Variants in EPS15L1 observed in about 807,000 individuals in gnomAD.
EPS15L1 encodes epidermal growth factor receptor pathway substrate 15 like 1.
EPS15L1 carries 43 observed loss-of-function variants against 117.1 expected under a neutral mutation model. The observed-to-expected ratio is 0.37, with a 90% CI of 0.29 to 0.47. The LOEUF (loss-of-function observed/expected upper bound fraction) is 0.47. Among genes scored for constraint, EPS15L1 ranks in the 20% least tolerant of loss-of-function variants. The pLI, the probability that EPS15L1 is intolerant of heterozygous loss-of-function variation, is 0.99. For missense variants in EPS15L1, 981 were observed against 1,164.0 expected (o/e 0.84, Z 2.29); for synonymous variants, 459 against 470.5 (o/e 0.98, Z 0.32).
intron 23 of EPS15L1, among the ~76,000 whole-genome samples, chr19:16,360,529 G>A (rs983284838): frequency 1.3e-5 from 2 of 151,364 alleles, no homozygotes; most frequent in Admixed American, 6.6e-5. Context: ...ATCGCTTGAG[G>A]CCAGGAGTTC....
At chr19:16,422,972 G>GC (rs1053760686) in intron 9 of EPS15L1, among the ~76,000 whole-genome samples, 1 of 105,452 alleles carries the variant, frequency 9.5e-6, no homozygotes, top group African/African-American at 3.6e-5. Flanking sequence ...AAAAAAAAAG[G>GC]GGGGGGGGAT....
Position 16,370,921 on chromosome 19 carries a change from C to T in EPS15L1, c.2380+6201G>A, listed in dbSNP as rs561744669. ...TTGGCCGTTTTAGGCTCCTTGGGAC[C>T]CCCTCCCCATCCTGGCTGGCAGGCA... On this transcript the variant is annotated intron_variant, in intron 22 of 23. Transcript: ENST00000455140. This position sits in a 1 kb window ranked among gnomAD's most constrained non-coding sequence, Gnocchi z 5.2. 5.3e-5 allele frequency among the ~76,000 whole-genome samples: 8 copies of T among 152,168 alleles called. No individual in the cohort carries two copies. The highest frequency in any genetic ancestry group is 7.4e-5 in the Non-Finnish European group (5 of 68,004).
chr19:16,423,098 A>C (rs936727545), intron 9 of EPS15L1, among the ~76,000 whole-genome samples: 2 of 152,162 alleles, frequency 1.3e-5, no homozygotes, highest in Non-Finnish European at 2.9e-5. Context: ...TTCATGAACG[A>C]GTCTCCTGTG....
At chr19:16,457,425 G>A (rs1464149862) in intron 1 of EPS15L1, among the ~76,000 whole-genome samples, 4 of 152,172 alleles carry the variant, frequency 2.6e-5, no homozygotes, top group African/African-American at 9.7e-5. Flanking sequence ...GGCTGAGCCT[G>A]TCCAGGGAGA....
At chr19:16,437,981 G>T in intron 4 of EPS15L1, 116 bp from the exon 5 acceptor site, 1 of 762,090 alleles carries the variant, frequency 1.3e-6, no homozygotes, top group Non-Finnish European at 2.2e-6. Flanking sequence ...AATGAAGGCC[G>T]TCCGTGCAAA....
chr19:16,368,179 C>T (rs951059952), intron 22 of EPS15L1, among the ~76,000 whole-genome samples: 3 of 152,174 alleles, frequency 2.0e-5, no homozygotes, highest in African/African-American at 4.8e-5. Flanking sequence ...CAACACAGAA[C>T]GATCACACAA....
Position 16,386,195 on chromosome 19 carries a change from A to C in EPS15L1, c.2140T>G (p.Ser714Ala). ...PFESSDPFSS[S>A]SVSSKGSDPF... ...CCTGATCCTTTTGAGGAGACACTGG[A>C]GGATGAAAAGGGATCACTGGATTCA... The change falls in exon 20 of 24, where the codon TCC (serine) becomes GCC (alanine). Residue 714 changes from serine to alanine, a missense_variant. Transcript: ENST00000455140. 3 of 1,612,752 alleles carry C rather than the reference A, an allele frequency of 1.9e-6. No individual in the cohort carries two copies. Among genetic ancestry groups the C allele is most frequent in the Non-Finnish European group, 2.5e-6 (3 of 1,178,910 alleles).
At chr19:16,432,525 G>A (rs191571691) in intron 7 of EPS15L1, among the ~76,000 whole-genome samples, 10 of 152,156 alleles carry the variant, frequency 6.6e-5, no homozygotes, top group East Asian at 3.9e-4. Flanking sequence ...CAGAGATTGC[G>A]CCACTGTACT....
At chr19:16,435,971 T>C (rs181957833) in intron 6 of EPS15L1, among the ~76,000 whole-genome samples, 7 of 152,326 alleles carry the variant, frequency 4.6e-5, no homozygotes, top group South Asian at 2.1e-4. Context: ...CTGTTTCCCA[T>C]GACAAAGTAG....
chr19:16,439,063 G>GT lies in EPS15L1; in HGVS notation c.214-1199dup, dbSNP rs1001246226. 6.8e-5 allele frequency among the ~76,000 whole-genome samples: 10 copies of GT among 146,402 alleles called. No homozygotes were observed. In the South Asian group the frequency reaches 1.8e-3, roughly 26 times the overall value. On this transcript the variant is annotated intron_variant, in intron 4 of 23. Transcript: ENST00000455140. ...GGACTTGTGAGGGATCACTTAGCTT[G>GT]TTTTTTTTCTGTTTTTTTTTTTTTT...
chr19:16,434,539 A>C, intron 6 of EPS15L1, 49 bp from the exon 7 acceptor site: 1 of 1,590,196 alleles, frequency 6.3e-7, no homozygotes, highest in East Asian at 2.2e-5. Flanking sequence ...CACCTGTGTG[A>C]ATGTCCAGAC....
intron 17 of EPS15L1, among the ~76,000 whole-genome samples, chr19:16,394,952 C>A (rs899390241): frequency 8.6e-5 from 13 of 151,970 alleles, no homozygotes; most frequent in Admixed American, 8.5e-4. Flanking sequence ...GGGTGCGGTG[C>A]CTCACACCTG....
intron 23 of EPS15L1, chr19:16,358,411 C>G (rs901538409): frequency 1.3e-5 from 2 of 152,556 alleles, no homozygotes; most frequent in Admixed American, 1.3e-4. Context: ...CCTTCTAGTT[C>G]TCGTATCTGG....
intron 21 of EPS15L1, among the ~76,000 whole-genome samples, chr19:16,379,431 G>T (rs2092335493): frequency 6.6e-6 from 1 of 152,252 alleles, no homozygotes; most frequent in African/African-American, 2.4e-5. Flanking sequence ...GGAAGGCCTA[G>T]AGACAGAGAA....
intron 23 of EPS15L1, chr19:16,357,577 G>C (rs1031574717): frequency 6.5e-6 from 1 of 153,276 alleles, no homozygotes; most frequent in Non-Finnish European, 1.5e-5. Flanking sequence ...GGGCTGGGGG[G>C]ACTGGGCAAG....
chr19:16,422,275 A>C (rs1295177431), intron 9 of EPS15L1, among the ~76,000 whole-genome samples: 4 of 152,184 alleles, frequency 2.6e-5, no homozygotes, highest in Non-Finnish European at 5.9e-5. Context: ...GTTCAGAGGC[A>C]TTGAGGCCCC....
At chr19:16,417,844 G>A (rs1187366458) in intron 11 of EPS15L1, 104 bp downstream of exon 11, 4 of 1,472,950 alleles carry the variant, frequency 2.7e-6, no homozygotes, top group Non-Finnish European at 3.7e-6. Flanking sequence ...AGGGACCACA[G>A]GCAGCACCCG....
At chr19:16,437,901 T>G in intron 4 of EPS15L1, 36 bp from the exon 5 acceptor site, 2 of 1,515,006 alleles carry the variant, frequency 1.3e-6, no homozygotes, top group Non-Finnish European at 1.8e-6. Flanking sequence ...GTAAACAGCA[T>G]ATCGCCAGTG....
intron 23 of EPS15L1, among the ~76,000 whole-genome samples, chr19:16,359,850 G>A (rs933197343): frequency 6.6e-6 from 1 of 151,348 alleles, no homozygotes; most frequent in Non-Finnish European, 1.5e-5. Flanking sequence ...GCAACAGAGC[G>A]AGACTCATCT....
Sources: allele counts gnomAD v4.1 joint callset (sites outside exome capture counted in the v4.1 genomes callset), GRCh38; gene constraint gnomAD v4.1.1; non-coding constraint Gnocchi (gnomAD v3.1); transcripts MANE v1.5; gene names NCBI Gene and HGNC (gene_info 2026-07-23, HGNC 2026-07-21).